Variants in MINDY4 observed in about 807,000 individuals in gnomAD.
MINDY4 encodes the protein MINDY lysine 48 deubiquitinase 4, also known as probable ubiquitin carboxyl-terminal hydrolase MINDY-4.
MINDY4 carries 68 observed loss-of-function variants against 87.0 expected under a neutral mutation model. The ratio of observed to expected loss-of-function variants is 0.78; its 90% CI spans 0.64 to 0.96. MINDY4 has a LOEUF of 0.96. Among genes scored for constraint, MINDY4 ranks in the 40% least tolerant of loss-of-function variants. MINDY4 has a pLI of 0.00. For synonymous variants in MINDY4, 379 were observed against 363.2 expected, an observed-to-expected ratio of 1.04 and a Z score of -0.50; for missense variants, 919 against 928.2, an observed-to-expected ratio of 0.99 and a Z score of 0.13.
At chr7:30,778,985 CAT>C (rs1786914718) in intron 2 of MINDY4, among the ~76,000 whole-genome samples, 4 of 152,264 alleles carry the variant, frequency 2.6e-5, no homozygotes, top group Middle Eastern at 3.4e-3. Context: ...TCTCCTGTGA[CAT>C]ATAATTTAGG....
chr7:30,827,586 T>C (rs1788550900), intron 5 of MINDY4, among the ~76,000 whole-genome samples: 3 of 152,160 alleles, frequency 2.0e-5, no homozygotes, highest in African/African-American at 7.2e-5. Context: ...AGAGGGGTTT[T>C]GTGGTTTTGA....
Position 30,785,545 on chromosome 7 carries a change from G to T in MINDY4, c.420-204G>T, listed in dbSNP as rs372476549. Among the ~76,000 whole-genome samples the T allele has an allele frequency of 7.9e-5, 12 of 152,136 alleles. No individual in the cohort carries two copies. In the East Asian group the frequency reaches 2.3e-3, roughly 29 times the overall value. On this transcript the variant is annotated intron_variant, in intron 3 of 17. Coordinates refer to ENST00000265299, the MANE Select transcript of MINDY4 (RefSeq NM_032222.3). ...CTCTGAATTTGTTTGCTTGTTTACT[G>T]GTCTTATTTTATAGGGCAGACTTGC...
At chr7:30,771,655 G>T (rs1786639359) in intron 1 of MINDY4, 99 bp downstream of exon 1, 12 of 1,165,324 alleles carry the variant, frequency 1.0e-5, no homozygotes, top group Non-Finnish European at 1.2e-5. Context: ...GAGGGCGCCC[G>T]TTCCCTACCT....
intron 6 of MINDY4, among the ~76,000 whole-genome samples, chr7:30,833,476 C>T (rs1788767746): frequency 6.6e-6 from 1 of 152,168 alleles, no homozygotes. Flanking sequence ...CCCACAGTGT[C>T]CTTCCCACAA....
At chr7:30,828,101 G>T (rs1788572178) in intron 5 of MINDY4, among the ~76,000 whole-genome samples, 1 of 152,118 alleles carries the variant, frequency 6.6e-6, no homozygotes, top group African/African-American at 2.4e-5. Context: ...AAAGCTCTGT[G>T]TGCACATACC....
chr7:30,794,125 A>G (rs909527479), intron 5 of MINDY4, among the ~76,000 whole-genome samples: 4 of 152,150 alleles, frequency 2.6e-5, no homozygotes, highest in African/African-American at 9.7e-5. Flanking sequence ...ACACAACTCT[A>G]CACAGTGCTC....
At chr7:30,863,608 G>T (rs1326871282) in intron 13 of MINDY4, among the ~76,000 whole-genome samples, 2 of 152,108 alleles carry the variant, frequency 1.3e-5, no homozygotes, top group African/African-American at 2.4e-5. Context: ...CCTGTCTGTT[G>T]GCCATTCCTA....
intron 6 of MINDY4, among the ~76,000 whole-genome samples, chr7:30,829,600 T>G (rs1788634175): frequency 6.6e-6 from 1 of 152,080 alleles, no homozygotes; most frequent in Non-Finnish European, 1.5e-5. Context: ...TTTGATGAGA[T>G]TGAAAGAAAG....
chr7:30,885,274 C>T (rs998838837), intron 17 of MINDY4, among the ~76,000 whole-genome samples: 1 of 152,182 alleles, frequency 6.6e-6, no homozygotes, highest in East Asian at 1.9e-4. Flanking sequence ...AATCCCAGCA[C>T]TTTGGAAGGC....
At chr7:30,856,566 G>A (rs1321586239) in intron 12 of MINDY4, among the ~76,000 whole-genome samples, 1 of 152,002 alleles carries the variant, frequency 6.6e-6, no homozygotes, top group Non-Finnish European at 1.5e-5. Context: ...CTGCAGGTAG[G>A]TAGGCGTTAC....
intron 5 of MINDY4, among the ~76,000 whole-genome samples, chr7:30,826,967 G>A (rs1788533988): frequency 6.6e-6 from 1 of 152,172 alleles, no homozygotes; most frequent in African/African-American, 2.4e-5. Context: ...TTTCAGCCAG[G>A]CTTCAGTGTC....
At chr7:30,783,677 C>T (rs532618908) in intron 3 of MINDY4, among the ~76,000 whole-genome samples, 5 of 152,278 alleles carry the variant, frequency 3.3e-5, no homozygotes, top group African/African-American at 1.2e-4. Context: ...AAAATCTCTG[C>T]TGTGAAGTGC....
chr7:30,830,259 C>A (rs891923835), intron 6 of MINDY4, among the ~76,000 whole-genome samples: 2 of 152,104 alleles, frequency 1.3e-5, no homozygotes, highest in Non-Finnish European at 2.9e-5. Flanking sequence ...GGTGGCCTTG[C>A]CTTTTTGGAG....
chr7:30,797,690 T>A (rs1393726161), intron 5 of MINDY4, among the ~76,000 whole-genome samples: 5 of 152,002 alleles, frequency 3.3e-5, no homozygotes, highest in African/African-American at 1.2e-4. Flanking sequence ...CCTTTGGAGG[T>A]CGAGCAGAGA....
intron 17 of MINDY4, among the ~76,000 whole-genome samples, 162 bp downstream of exon 17, chr7:30,883,155 A>G (rs906656221): frequency 1.6e-4 from 25 of 152,180 alleles, no homozygotes; most frequent in African/African-American, 6.0e-4. Flanking sequence ...ACTCGTGGTC[A>G]CTGGGGCCCA....
intron 1 of MINDY4, among the ~76,000 whole-genome samples, chr7:30,776,811 G>A (rs73297996): frequency 4.7e-4 from 72 of 152,296 alleles, no homozygotes; most frequent in African/African-American, 1.7e-3. Flanking sequence ...CAGAACATCA[G>A]CTCTTATTCC....
chr7:30,820,122 T>G (rs1009240634), intron 5 of MINDY4, among the ~76,000 whole-genome samples: 2 of 151,562 alleles, frequency 1.3e-5, no homozygotes, highest in African/African-American at 4.8e-5. Context: ...GGGATGGTCT[T>G]GATCTCCTGA....
chr7:30,855,885 C>G (rs773716048), intron 12 of MINDY4, among the ~76,000 whole-genome samples: 1 of 152,248 alleles, frequency 6.6e-6, no homozygotes, highest in African/African-American at 2.4e-5. Context: ...CAGTTTAATT[C>G]ATGTTTTTGC....
chr7:30,872,402 C>T lies in MINDY4; in HGVS notation c.1809+96C>T. ...TCCCTCCTCTTGCCCCAGAAAAAGA[C>T]AAGTCTTTCTTGCCTCTGCCAACAC... On this transcript the variant is annotated intron_variant, in intron 14 of 17. Coordinates refer to ENST00000265299, the MANE Select transcript of MINDY4 (RefSeq NM_032222.3). 3 of 1,194,788 alleles carry T rather than the reference C, an allele frequency of 2.5e-6. No individual in the cohort carries two copies. The South Asian group carries it at 3.9e-5, about 16-fold the overall frequency. 74.0% of individuals were successfully genotyped at this position (1,194,788 alleles called of 1,614,324 possible). A position where few individuals can be genotyped will look rare whatever the true frequency, so the allele number is the denominator to read the frequency against.
Sources: allele counts gnomAD v4.1 joint callset (sites outside exome capture counted in the v4.1 genomes callset), GRCh38; gene constraint gnomAD v4.1.1; transcripts MANE v1.5; gene names NCBI Gene and HGNC (gene_info 2026-07-23, HGNC 2026-07-21).